CSMD3: variants seen among roughly 807,000 people sequenced by gnomAD.
The protein encoded by CSMD3 is CUB and sushi domain-containing protein 3.
Under a neutral mutation model 435.2 loss-of-function variants are expected in CSMD3, and 177 were observed. The ratio of observed to expected loss-of-function variants is 0.41; its 90% confidence interval spans 0.36 to 0.46. CSMD3 has a LOEUF of 0.46. Ranked by LOEUF, CSMD3 falls within the 20% of genes least tolerant of loss-of-function variation. The pLI is 0.34. For missense variants in CSMD3, 4,265 were observed against 4,504.6 expected, an observed-to-expected ratio of 0.95 and a Z score of 1.52; for synonymous variants, 1,656 against 1,520.5, an observed-to-expected ratio of 1.09 and a Z score of -2.07.
At chr8:113,298,992 A>G (rs959032628) in intron 2 of CSMD3, among the ~76,000 whole-genome samples, 3 of 152,194 alleles carry the variant, frequency 2.0e-5, no homozygotes, top group African/African-American at 7.2e-5. Context: ...TAATTTTTAT[A>G]CTGTAGTCTA....
chr8:112,596,750 C>T (rs1831761991), intron 22 of CSMD3, among the ~76,000 whole-genome samples: 1 of 152,068 alleles, frequency 6.6e-6, no homozygotes, highest in South Asian at 2.1e-4. Flanking sequence ...ACTGAACAAC[C>T]TGCTCCTGAA....
chr8:112,924,523 A>G (rs1292621758), intron 9 of CSMD3, among the ~76,000 whole-genome samples: 1 of 152,108 alleles, frequency 6.6e-6, no homozygotes, highest in Non-Finnish European at 1.5e-5. Context: ...AATAAATGAC[A>G]TCTTGTTTAA....
intron 22 of CSMD3, among the ~76,000 whole-genome samples, chr8:112,616,094 T>C (rs775116132): frequency 2.0e-5 from 3 of 152,048 alleles, no homozygotes; most frequent in Admixed American, 6.6e-5. Flanking sequence ...AATACCTGAG[T>C]CCTCATCTAG....
intron 13 of CSMD3, among the ~76,000 whole-genome samples, chr8:112,738,612 G>T (rs2132043222): frequency 6.6e-6 from 1 of 151,670 alleles, no homozygotes; most frequent in Admixed American, 6.6e-5. Flanking sequence ...AGAAAAAAAT[G>T]GTTCTCAATA....
chr8:112,305,349 C>A (rs1238807866), intron 51 of CSMD3, among the ~76,000 whole-genome samples: 2 of 152,016 alleles, frequency 1.3e-5, no homozygotes, highest in Non-Finnish European at 2.9e-5. Context: ...AGAGTGCGAA[C>A]AACTTAACAA....
At chr8:113,372,813 A>G (rs2094354718) in intron 1 of CSMD3, among the ~76,000 whole-genome samples, 1 of 151,986 alleles carries the variant, frequency 6.6e-6, no homozygotes, top group African/African-American at 2.4e-5. Flanking sequence ...GGGCGCCTGT[A>G]GTCCCAGCTA....
intron 4 of CSMD3, among the ~76,000 whole-genome samples, chr8:113,148,188 G>A (rs1233441497): frequency 6.6e-6 from 1 of 151,566 alleles, no homozygotes; most frequent in Non-Finnish European, 1.5e-5. Flanking sequence ...AAATGTGCCA[G>A]ATATTTTTAA....
At chr8:112,343,792 G>A (rs931330272) in intron 41 of CSMD3, among the ~76,000 whole-genome samples, 1 of 152,028 alleles carries the variant, frequency 6.6e-6, no homozygotes, top group African/African-American at 2.4e-5. Flanking sequence ...ACATACAGGC[G>A]GGCTCCACCA....
At position 112,929,853 on chromosome 8, in the gene CSMD3, A is replaced by AT. The variant is rs200950805; in HGVS notation, c.1509-8103dup. On this transcript the variant is annotated intron_variant, in intron 9 of 70. Transcript: ENST00000297405. ...TATAATCTAATTAAAAGCTTAAATA[A>AT]TTTTTTTTCTGTGACAGAAATGTTT... Among the ~76,000 whole-genome samples, 490 of 152,038 alleles carry AT rather than the reference A, an allele frequency of 3.2e-3. 4 individuals are homozygous for AT. Among genetic ancestry groups the AT allele is most frequent in the African/African-American group, 0.01 (422 of 41,500 alleles).
intron 60 of CSMD3, among the ~76,000 whole-genome samples, chr8:112,264,768 A>C (rs185447558): frequency 7.6e-4 from 115 of 152,258 alleles, no homozygotes; most frequent in African/African-American, 2.7e-3. Flanking sequence ...AAAAATCTTA[A>C]ATATTAAAAA....
At chr8:113,248,463 TGTGTG>T (rs2093299547) in intron 3 of CSMD3, among the ~76,000 whole-genome samples, 1 of 128 alleles carries the variant, frequency 7.8e-3, no homozygotes, top group Non-Finnish European at 0.017. Flanking sequence ...TATATGTGTG[TGTGTG>T]ATATATATGT....
At position 112,822,956 on chromosome 8, in the gene CSMD3, G is replaced by A. The variant is rs1401057867; in HGVS notation, c.1859+6730C>T. On this transcript the variant is annotated intron_variant, in intron 12 of 70. Transcript: ENST00000297405. ...TACACTTATTAATTTGCATATGATT[G>A]ACCAGCCTTGTATCCCGGGGATGAA... is the stretch of plus-strand genomic sequence containing the variant. 1.3e-5 allele frequency among the ~76,000 whole-genome samples: 2 copies of A among 152,068 alleles called. 1 individual carries two copies. Among genetic ancestry groups the A allele is most frequent in the African/African-American group, 4.8e-5 (2 of 41,416 alleles).
intron 4 of CSMD3, among the ~76,000 whole-genome samples, chr8:113,162,890 T>C (rs2092072963): frequency 6.6e-6 from 1 of 152,180 alleles, no homozygotes; most frequent in African/African-American, 2.4e-5. Context: ...AGATTAATAC[T>C]CTTCACACCA....
rs754418464 is a variant in CSMD3, at chr8:112,580,052, T to C, written c.3886-6395A>G. On this transcript the variant is annotated intron_variant, in intron 23 of 70. Transcript: ENST00000297405. ...CTGCTACATTCCTTTATTCTGAACA[T>C]TGTCCTTAGTTTTTATTTGAAAATA... Among the ~76,000 whole-genome samples the C allele has an allele frequency of 7.9e-5, 12 of 152,084 alleles. 1 individual carries two copies. In the South Asian group the frequency reaches 8.3e-4, roughly 10 times the overall value.
chr8:113,321,462 T>C, intron 1 of CSMD3, among the ~76,000 whole-genome samples: 1 of 152,124 alleles, frequency 6.6e-6, no homozygotes. Flanking sequence ...GTCCTCAAAA[T>C]GTTCACTTAC....
At chr8:112,947,668 A>G in intron 9 of CSMD3, 122 bp downstream of exon 9, 1 of 585,218 alleles carries the variant, frequency 1.7e-6, no homozygotes, top group Non-Finnish European at 3.0e-6. Flanking sequence ...ATAACAATAC[A>G]TTGATAAAAT....
chr8:113,233,710 G>A (rs2093116089), intron 3 of CSMD3, among the ~76,000 whole-genome samples: 1 of 151,468 alleles, frequency 6.6e-6, no homozygotes, highest in Admixed American at 6.6e-5. Flanking sequence ...AGTTGAGAAG[G>A]AAAAGATAAA....
intron 45 of CSMD3, among the ~76,000 whole-genome samples, chr8:112,324,978 G>A (rs1338135315): frequency 6.6e-6 from 1 of 152,018 alleles, no homozygotes; most frequent in Non-Finnish European, 1.5e-5. Context: ...TCTTGATTAT[G>A]ACCTCCAAGG....
chr8:113,166,208 AAT>A (rs1358910597), intron 4 of CSMD3, among the ~76,000 whole-genome samples: 1 of 152,072 alleles, frequency 6.6e-6, no homozygotes, highest in African/African-American at 2.4e-5. Flanking sequence ...GAGTTTTTAA[AAT>A]ATATGAGTTT....
Sources: gnomAD v4.1 joint callset for allele counts (sites outside exome capture counted in the v4.1 genomes callset) on GRCh38, gnomAD v4.1.1 for gene constraint, MANE v1.5 for transcripts, NCBI Gene and HGNC (gene_info 2026-07-23, HGNC 2026-07-21) for gene names.